The following SGPP1 variants were observed in gnomAD, a reference collection of about 807,000 sequenced individuals.
SGPP1 encodes the protein hSPP1.
Under a neutral mutation model 33.0 loss-of-function variants are expected in SGPP1, and 21 were observed. The ratio of observed to expected loss-of-function variants is 0.64; its 90% CI spans 0.45 to 0.92. SGPP1 has a LOEUF of 0.92. Ranked by LOEUF, SGPP1 falls within the 40% of genes least tolerant of loss-of-function variation. The pLI is 0.00. For synonymous variants in SGPP1, 239 were observed against 241.2 expected (o/e 0.99, Z 0.08); for missense variants, 543 against 589.4 (o/e 0.92, Z 0.81).
At chr14:63,710,181 A>C (rs1457378122) in intron 1 of SGPP1, among the ~76,000 whole-genome samples, 1 of 152,218 alleles carries the variant, frequency 6.6e-6, no homozygotes, top group Non-Finnish European at 1.5e-5. Context: ...AGTGTAATGA[A>C]AACTGATACA....
intron 2 of SGPP1, among the ~76,000 whole-genome samples, chr14:63,694,285 G>GA (rs766291205): frequency 5.5e-4 from 69 of 124,548 alleles, no homozygotes; most frequent in Admixed American, 6.4e-4. Flanking sequence ...GAAAAGAAAA[G>GA]AAAAAAAAAA....
intron 2 of SGPP1, among the ~76,000 whole-genome samples, chr14:63,696,086 G>A (rs866378826): frequency 9.2e-5 from 14 of 152,112 alleles, no homozygotes; most frequent in Admixed American, 3.3e-4. Context: ...TCAGGAGTTC[G>A]AGACCAGCCT....
chr14:63,697,558 G>A (rs561806320), intron 2 of SGPP1, among the ~76,000 whole-genome samples: 1 of 152,258 alleles, frequency 6.6e-6, no homozygotes, highest in South Asian at 2.1e-4. Context: ...AAAACACACA[G>A]TTGCTGTTCT....
intron 1 of SGPP1, among the ~76,000 whole-genome samples, chr14:63,705,215 A>G (rs1885383932): frequency 6.7e-6 from 1 of 149,586 alleles, no homozygotes; most frequent in African/African-American, 2.5e-5. Context: ...TAAATGGGAG[A>G]AAGTATTTGC....
chr14:63,719,014 A>ATATT (rs1566536824), intron 1 of SGPP1, among the ~76,000 whole-genome samples: 4 of 19,430 alleles, frequency 2.1e-4, no homozygotes, highest in African/African-American at 4.7e-4. Context: ...ATATATATAT[A>ATATT]TTTTTTTTTT....
chr14:63,715,379 A>C (rs1474786085), intron 1 of SGPP1, among the ~76,000 whole-genome samples: 1 of 152,120 alleles, frequency 6.6e-6, no homozygotes, highest in Admixed American at 6.6e-5. Flanking sequence ...TCATTAGTAT[A>C]CCTGAGTATG....
intron 2 of SGPP1, among the ~76,000 whole-genome samples, chr14:63,696,344 C>T (rs552855729): frequency 2.0e-4 from 30 of 152,268 alleles, no homozygotes; most frequent in Middle Eastern, 3.4e-3. Flanking sequence ...CACATAGATT[C>T]TTTTTCTTCC....
chr14:63,685,796 T>C lies in SGPP1; in HGVS notation c.*309A>G, dbSNP rs1884959168. On this transcript the variant is annotated 3_prime_UTR_variant, in exon 3 of 3. Transcript: ENST00000247225. The stretch of plus-strand genomic sequence containing the variant: ...TTTTATATATAATATATATCAGATA[T>C]ATAATTGCATATTATGTACCTTATA... 6.7e-6 allele frequency: 1 copy of C among 149,932 alleles called. No individual in the cohort carries two copies. Among genetic ancestry groups the C allele is most frequent in the African/African-American group, 2.4e-5 (1 of 40,934 alleles). The allele number at this position is 149,932 out of a possible 1,614,324, so 9.3% of individuals were successfully genotyped here. A position where few individuals can be genotyped will look rare whatever the true frequency, so the allele number is the denominator to read the frequency against.
chr14:63,697,567 C>T (rs1182001860), intron 2 of SGPP1, among the ~76,000 whole-genome samples: 1 of 152,144 alleles, frequency 6.6e-6, no homozygotes, highest in African/African-American at 2.4e-5. Flanking sequence ...AGTTGCTGTT[C>T]TCAAGGAACT....
intron 1 of SGPP1, among the ~76,000 whole-genome samples, chr14:63,714,526 T>G (rs1401995865): frequency 6.6e-6 from 1 of 152,154 alleles, no homozygotes; most frequent in Non-Finnish European, 1.5e-5. Flanking sequence ...GCTCAAGTGA[T>G]CCTCCCACCT....
At chr14:63,720,752 CA>C (rs1885754047) in intron 1 of SGPP1, among the ~76,000 whole-genome samples, 1 of 151,526 alleles carries the variant, frequency 6.6e-6, no homozygotes, top group African/African-American at 2.4e-5. Context: ...GCAACAAGAG[CA>C]AAACTCCGTC....
intron 1 of SGPP1, among the ~76,000 whole-genome samples, chr14:63,713,037 C>T (rs887075409): frequency 4.6e-5 from 7 of 152,086 alleles, no homozygotes; most frequent in Non-Finnish European, 7.4e-5. Flanking sequence ...CAGACCTGCA[C>T]CACTGTGCCC....
In SGPP1 at chr14:63,685,756, CACTT is replaced by C. The variant is rs959417744; in HGVS notation, c.*345_*348del. 2.0e-5 allele frequency: 3 copies of C among 149,142 alleles called. No individual in the cohort carries two copies. The highest frequency in any genetic ancestry group is 1.3e-4 in the Admixed American group (2 of 14,856). The allele number at this position is 149,142 out of a possible 1,614,324, so 9.2% of individuals were successfully genotyped here. A position where few individuals can be genotyped will look rare whatever the true frequency, so the allele number is the denominator to read the frequency against. On this transcript the variant is annotated 3_prime_UTR_variant, in exon 3 of 3. Coordinates refer to ENST00000247225, the MANE Select transcript of SGPP1 (RefSeq NM_030791.4). ...AATACACTCCCATAGTTTAAAAAAA[CACTT>C]AGGTATATTATTTTATATATAATAT...
chr14:63,718,226 G>T (rs1482388944), intron 1 of SGPP1, among the ~76,000 whole-genome samples: 1 of 147,014 alleles, frequency 6.8e-6, no homozygotes, highest in East Asian at 2.0e-4. Context: ...CCATCCTGGG[G>T]AACAGCGCAA....
rs1203567149 is a variant in SGPP1, at chr14:63,686,132, G to A, written c.1299C>T (p.Tyr433=). Residue 433 remains tyrosine (Y), a synonymous_variant, in exon 3 of 3, where the codon TAC becomes TAT. Coordinates refer to ENST00000247225, the MANE Select transcript of SGPP1 (RefSeq NM_030791.4). ...VGFSITFFVP[Y]IFFFIGIS ...AAGAGATACCAATAAAGAAAAATAT[G>A]TAAGGAACAAAAAATGTGATGGAGA... is the stretch of plus-strand genomic sequence containing the variant. 2 of 1,603,342 alleles carry A rather than the reference G, an allele frequency of 1.2e-6. No homozygotes were observed. Among genetic ancestry groups the A allele is most frequent in the East Asian group, 2.2e-5 (1 of 44,708 alleles).
At chr14:63,726,863 A>C (rs180763432) in intron 1 of SGPP1, among the ~76,000 whole-genome samples, 2 of 152,292 alleles carry the variant, frequency 1.3e-5, no homozygotes, top group East Asian at 3.9e-4. Flanking sequence ...AGTTTTAGGG[A>C]AGAAGGCACC....
intron 1 of SGPP1, among the ~76,000 whole-genome samples, chr14:63,724,681 G>A (rs1334255207): frequency 6.6e-6 from 1 of 150,464 alleles, no homozygotes; most frequent in African/African-American, 2.4e-5. Context: ...GCTCACGCCT[G>A]TAATGCCAGC....
chr14:63,724,616 TAAAAAA>T (rs34386504), intron 1 of SGPP1, among the ~76,000 whole-genome samples: 909 of 85,008 alleles, frequency 0.011, 16 homozygotes, highest in African/African-American at 0.04. Context: ...CAAGGATCTT[TAAAAAA>T]AAAAAAAAAA....
At chr14:63,724,367 G>A (rs532343971) in intron 1 of SGPP1, among the ~76,000 whole-genome samples, 20 of 152,074 alleles carry the variant, frequency 1.3e-4, no homozygotes, top group East Asian at 1.9e-4. Flanking sequence ...GTTTCAGCAC[G>A]CCAGGCATAT....
Sources: gnomAD v4.1 joint callset for allele counts (sites outside exome capture counted in the v4.1 genomes callset) on GRCh38, gnomAD v4.1.1 for gene constraint, MANE v1.5 for transcripts, NCBI Gene and HGNC (gene_info 2026-07-23, HGNC 2026-07-21) for gene names.